Variants in NBEAL1 observed in about 807,000 individuals in gnomAD.
The protein encoded by NBEAL1 is neurobeachin-like protein 1.
A neutral mutation model predicts 351.3 loss-of-function variants in NBEAL1; 273 were observed. The observed-to-expected ratio is 0.78, with a 90% CI of 0.70 to 0.86. The LOEUF is 0.86. NBEAL1 is among the 40% of genes least tolerant of loss of function. The pLI is 0.00. For synonymous variants in NBEAL1, 1,050 were observed against 1,086.4 expected (o/e 0.97, Z 0.66); for missense variants, 2,961 against 3,201.3 (o/e 0.92, Z 1.81).
intron 44 of NBEAL1, among the ~76,000 whole-genome samples, chr2:203,187,760 A>T (rs1159823566): frequency 6.6e-6 from 1 of 151,018 alleles, no homozygotes; most frequent in Non-Finnish European, 1.5e-5. Flanking sequence ...AAAAAAAATC[A>T]AATAGTTCAC....
chr2:203,153,208 C>A (rs1425640060), intron 35 of NBEAL1, among the ~76,000 whole-genome samples: 1 of 152,020 alleles, frequency 6.6e-6, no homozygotes, highest in Non-Finnish European at 1.5e-5. Flanking sequence ...ACATGGCTCA[C>A]TGTAGCCTTG....
At chr2:203,156,987 C>T (rs992323453) in intron 35 of NBEAL1, among the ~76,000 whole-genome samples, 11 of 152,160 alleles carry the variant, frequency 7.2e-5, no homozygotes, top group Admixed American at 6.5e-4. Context: ...AGATGTTTCA[C>T]ATATATTACC....
chr2:203,038,566 G>A (rs1441833982), intron 2 of NBEAL1, among the ~76,000 whole-genome samples: 1 of 148,966 alleles, frequency 6.7e-6, no homozygotes, highest in Admixed American at 6.8e-5. Flanking sequence ...TTATTGATTT[G>A]TAGGAGATCT....
At chr2:203,112,181 T>G in intron 16 of NBEAL1, 83 bp downstream of exon 16, 2 of 1,381,890 alleles carry the variant, frequency 1.4e-6, no homozygotes, top group South Asian at 1.5e-5. Context: ...AGGTTATGTT[T>G]ATTGTAAATA....
In NBEAL1 at chr2:203,146,668, C is replaced by T. The variant is rs551206524; in HGVS notation, c.5304+1508C>T. Among the ~76,000 whole-genome samples the T allele has an allele frequency of 2.0e-5, 3 of 152,178 alleles. No individual in the cohort carries two copies. The South Asian group carries it at 6.2e-4, about 32-fold the overall frequency. ...ATTAGCTGGGTGTGGTGGTACGCAC[C>T]TGTAGTCCCAACTACTGAGGAGGCT... On this transcript the variant is annotated intron_variant, in intron 33 of 55. Coordinates refer to ENST00000683969, the MANE Select transcript of NBEAL1 (RefSeq NM_001378026.1).
chr2:203,049,890 T>G lies in NBEAL1; in HGVS notation c.220T>G (p.Cys74Gly). 6.4e-7 allele frequency: 1 copy of G among 1,557,096 alleles called. No individual in the cohort carries two copies. Among genetic ancestry groups the G allele is most frequent in the Admixed American group, 2.0e-5 (1 of 51,044 alleles). ...GGTTCTGAGGATCCAGCTTCTACAG[T>G]GTGTTCAGAAAATGGCAGATGGGTT... The part of the protein sequence containing the change: ...LQVLRIQLLQ[C>G]VQKMADGLEE... The change falls in exon 4 of 56, where the codon TGT (cysteine) becomes GGT (glycine). Residue 74 changes from cysteine to glycine, a missense_variant. Cys to Gly is a radical substitution (Grantham distance 159). Transcript: ENST00000683969.
intron 6 of NBEAL1, among the ~76,000 whole-genome samples, chr2:203,067,813 A>T (rs189906331): frequency 6.6e-6 from 1 of 152,216 alleles, no homozygotes; most frequent in Non-Finnish European, 1.5e-5. Flanking sequence ...TTTTGTATCA[A>T]ATTGAAATGT....
At chr2:203,176,527 C>T (rs2064507082) in intron 42 of NBEAL1, among the ~76,000 whole-genome samples, 1 of 151,274 alleles carries the variant, frequency 6.6e-6, no homozygotes, top group Admixed American at 6.6e-5. Context: ...AATTTCAAGA[C>T]CAGCCTGGCC....
At chr2:203,143,468 T>C (rs958264107) in intron 31 of NBEAL1, among the ~76,000 whole-genome samples, 1 of 152,196 alleles carries the variant, frequency 6.6e-6, no homozygotes, top group South Asian at 2.1e-4. Context: ...TTTGCTCATA[T>C]AGTTTAGAAT....
At position 203,190,308 on chromosome 2, in the gene NBEAL1, T is replaced by TAACA; in HGVS notation, c.6840_6841insAACA (p.Ala2281AsnfsTer6). On this transcript the variant is annotated frameshift_variant, in exon 46 of 56. Coordinates refer to ENST00000683969, the MANE Select transcript of NBEAL1 (RefSeq NM_001378026.1). LOFTEE classifies it high-confidence loss of function. ...TGGTTTTAGGAGCTGTGGATCTGGATGCCTTAACAGATGAGAAAGAAAGAA... is the reference window on the plus strand; with the variant it reads ...TGGTTTTAGGAGCTGTGGATCTGGATAACAGCCTTAACAGATGAGAAAGAAAGAA... 1 of 1,610,224 alleles carries TAACA rather than the reference T, an allele frequency of 6.2e-7. No homozygotes were observed. The highest frequency in any genetic ancestry group is 2.2e-5 in the East Asian group (1 of 44,872).
chr2:203,119,603 T>C (rs1306502687), intron 18 of NBEAL1, among the ~76,000 whole-genome samples: 1 of 151,750 alleles, frequency 6.6e-6, no homozygotes, highest in South Asian at 2.1e-4. Context: ...TTTTTGTATT[T>C]TTAGTACAGA....
chr2:203,029,261 A>T (rs935940244), intron 2 of NBEAL1, among the ~76,000 whole-genome samples: 1 of 152,156 alleles, frequency 6.6e-6, no homozygotes, highest in Admixed American at 6.6e-5. Context: ...AAGTGTTGGG[A>T]TTACAGGCAT....
At chr2:203,206,834 C>T (rs1293050054) in intron 51 of NBEAL1, among the ~76,000 whole-genome samples, 1 of 151,062 alleles carries the variant, frequency 6.6e-6, no homozygotes, top group Non-Finnish European at 1.5e-5. Flanking sequence ...CTCTGCCCGG[C>T]CGCCACCCCG....
intron 41 of NBEAL1, among the ~76,000 whole-genome samples, chr2:203,174,485 A>T (rs2064431244): frequency 6.6e-6 from 1 of 152,106 alleles, no homozygotes; most frequent in South Asian, 2.1e-4. Context: ...TCACCAAAAA[A>T]TTTGTGTTAA....
chr2:203,034,890 A>G lies in NBEAL1; in HGVS notation c.52-6875A>G, dbSNP rs1047677092. 2.7e-5 allele frequency among the ~76,000 whole-genome samples: 4 copies of G among 149,400 alleles called. 1 individual carries two copies. Among genetic ancestry groups the G allele is most frequent in the African/African-American group, 9.7e-5 (4 of 41,062 alleles). ...TTCTTTTGGTAGGATATTAGAAAAT[A>G]TAAATATAACTGACTTAAATGAACT... On this transcript the variant is annotated intron_variant, in intron 2 of 55. Coordinates refer to ENST00000683969, the MANE Select transcript of NBEAL1 (RefSeq NM_001378026.1).
chr2:203,080,039 G>A (rs2061845416), intron 8 of NBEAL1, among the ~76,000 whole-genome samples: 1 of 152,078 alleles, frequency 6.6e-6, no homozygotes, highest in Admixed American at 6.6e-5. Context: ...ATGTATTTGG[G>A]AGATTTCTTT....
intron 2 of NBEAL1, 53 bp from the exon 3 acceptor site, chr2:203,041,712 T>A: frequency 1.0e-6 from 1 of 985,938 alleles, no homozygotes; most frequent in Non-Finnish European, 1.5e-6. Context: ...TGTAGAAGCA[T>A]TTTTTTTTTC....
At chr2:203,154,276 A>G (rs1299508278) in intron 35 of NBEAL1, among the ~76,000 whole-genome samples, 1 of 152,078 alleles carries the variant, frequency 6.6e-6, no homozygotes, top group East Asian at 1.9e-4. Flanking sequence ...AATAGTGACA[A>G]TAAAACTGTA....
chr2:203,207,384 C>T (rs2065632415), intron 51 of NBEAL1, among the ~76,000 whole-genome samples: 1 of 152,200 alleles, frequency 6.6e-6, no homozygotes, highest in African/African-American at 2.4e-5. Context: ...AGCCCCTCTG[C>T]CCGGCCACCA....
Sources: allele counts gnomAD v4.1 joint callset (sites outside exome capture counted in the v4.1 genomes callset), GRCh38; gene constraint gnomAD v4.1.1; transcripts MANE v1.5; gene names NCBI Gene and HGNC (gene_info 2026-07-23, HGNC 2026-07-21).